Variants in DOCK7 observed in about 807,000 individuals in gnomAD.
DOCK7 encodes dedicator of cytokinesis 7.
A neutral mutation model predicts 271.0 loss-of-function variants in DOCK7; 138 were observed. The ratio of observed to expected loss-of-function variants is 0.51; its 90% CI spans 0.44 to 0.59. The LOEUF (loss-of-function observed/expected upper bound fraction) is 0.59. DOCK7 is among the 20% of genes least tolerant of loss of function. The pLI is 0.00. For synonymous variants in DOCK7, 823 were observed against 876.1 expected (o/e 0.94, Z 1.07); for missense variants, 2,066 against 2,592.4 (o/e 0.80, Z 4.41).
Position 62,559,551 on chromosome 1 carries a change from C to G in DOCK7, c.2200-331G>C, listed in dbSNP as rs183375784. Among the ~76,000 whole-genome samples the G allele has an allele frequency of 2.1e-3, 316 of 152,050 alleles. 5 individuals carry two copies. Among genetic ancestry groups the G allele is most frequent in the Non-Finnish European group, 1.6e-3 (106 of 67,992 alleles). On this transcript the variant is annotated intron_variant, in intron 19 of 49. Transcript: ENST00000635253. ...CCATTATTAATTTATTGTCTTTCAG[C>G]TCCAAAGCCTTTGGATATAAGGCAA...
chr1:62,609,727 T>A (rs963968851), intron 14 of DOCK7: 1 of 152,200 alleles, frequency 6.6e-6, no homozygotes, highest in Non-Finnish European at 1.5e-5. Context: ...ACTTTACTCC[T>A]TCCCTTCACA....
chr1:62,569,550 A>C (rs1477204586), intron 18 of DOCK7, among the ~76,000 whole-genome samples: 1 of 152,216 alleles, frequency 6.6e-6, no homozygotes, highest in African/African-American at 2.4e-5. Flanking sequence ...CTTCATGTTA[A>C]AACTCCCAAT....
intron 43 of DOCK7, chr1:62,485,755 CAAAT>C: frequency 1.1e-6 from 1 of 932,504 alleles, no homozygotes; most frequent in South Asian, 5.0e-5. Context: ...AATTTCAAAA[CAAAT>C]AAGCAGCAAA....
chr1:62,593,133 C>A (rs1177757243), intron 14 of DOCK7, among the ~76,000 whole-genome samples: 1 of 152,046 alleles, frequency 6.6e-6, no homozygotes, highest in Non-Finnish European at 1.5e-5. Context: ...TTATACATAA[C>A]AAGATCCCAC....
chr1:62,601,823 T>A (rs77871363), intron 14 of DOCK7: 1 of 1,610,240 alleles, frequency 6.2e-7, no homozygotes, highest in African/African-American at 1.3e-5. Flanking sequence ...ACAAGTGGCA[T>A]GTATGCCATC....
intron 4 of DOCK7, among the ~76,000 whole-genome samples, chr1:62,650,460 A>G (rs1015208326): frequency 6.6e-6 from 1 of 152,234 alleles, no homozygotes; most frequent in African/African-American, 2.4e-5. Context: ...TAATTAAACT[A>G]AAGAGCTTCT....
In DOCK7 at chr1:62,555,935, T is replaced by C. The variant is rs1229331390; in HGVS notation, c.2486A>G (p.His829Arg). Residue 829 changes from histidine to arginine, a missense_variant, in exon 21 of 50, where the codon CAC becomes CGC. Physicochemically the swap from His to Arg is conservative, Grantham distance 29 (BLOSUM62 0). Coordinates refer to ENST00000635253, the MANE Select transcript of DOCK7 (RefSeq NM_001367561.1). ...EAMASIINRL[H>R]KNLEGNHDQH... ...GTCATGATTTCCTTCCAAGTTTTTG[T>C]GAAGTCGATTTATAATTGATGCCAT... 1 of 1,613,804 alleles carries C rather than the reference T, an allele frequency of 6.2e-7. No homozygotes were observed. The highest frequency in any genetic ancestry group is 1.3e-5 in the African/African-American group (1 of 74,930).
intron 36 of DOCK7, among the ~76,000 whole-genome samples, 174 bp from the exon 37 acceptor site, chr1:62,504,956 T>C (rs1646897611): frequency 6.6e-6 from 1 of 152,224 alleles, no homozygotes; most frequent in Admixed American, 6.5e-5. Context: ...TGGGTTCGAA[T>C]GCTCATTATT....
At position 62,476,112 on chromosome 1, in the gene DOCK7, G is replaced by A. The variant is rs374354195; in HGVS notation, c.5679C>T (p.Ile1893=). The change falls in exon 45 of 50, where the codon ATC becomes ATT. Residue 1893 remains isoleucine (I), a synonymous_variant. Coordinates refer to ENST00000635253, the MANE Select transcript of DOCK7 (RefSeq NM_001367561.1). The part of the protein sequence containing the change: ...ERFGEDVVEV[I]KDSNPVDKCK... ...ACTTGTCTACAGGATTAGAGTCTTT[G>A]ATTACTTCAACCACATCCTCTCCAA... 4.3e-6 allele frequency: 7 copies of A among 1,613,206 alleles called. No individual in the cohort carries two copies. The highest frequency in any genetic ancestry group is 3.3e-5 in the Admixed American group (2 of 59,912).
chr1:62,662,768 GA>G (rs1457918107), intron 2 of DOCK7, among the ~76,000 whole-genome samples: 1 of 151,600 alleles, frequency 6.6e-6, no homozygotes, highest in Non-Finnish European at 1.5e-5. Flanking sequence ...CTCAAAAAAA[GA>G]AGAAAAAAAA....
In DOCK7 at chr1:62,688,272, GCGGCGACGGCGA is replaced by G; in HGVS notation, c.-20_-9del. On this transcript the variant is annotated 5_prime_UTR_variant, in exon 1 of 50. Coordinates refer to ENST00000635253, the MANE Select transcript of DOCK7 (RefSeq NM_001367561.1). ...GGCGCGGCGCTCGGCCATGGCTGCT[GCGGCGACGGCGA>G]CGGCGGCGGCGGCTGCGGCGGGCCG... 7.7e-7 allele frequency: 1 copy of G among 1,299,500 alleles called. No homozygotes were observed. Among genetic ancestry groups the G allele is most frequent in the East Asian group, 3.4e-5 (1 of 29,076 alleles). The allele number at this position is 1,299,500 out of a possible 1,614,324, so 80.5% of individuals were successfully genotyped here.
intron 2 of DOCK7, among the ~76,000 whole-genome samples, chr1:62,660,529 G>A (rs957433086): frequency 2.6e-5 from 4 of 152,098 alleles, no homozygotes; most frequent in African/African-American, 9.7e-5. Context: ...CATTGACGGT[G>A]GAAATGTAAA....
chr1:62,549,111 AGAAAAG>A (rs944887197), intron 22 of DOCK7, among the ~76,000 whole-genome samples: 4 of 152,206 alleles, frequency 2.6e-5, no homozygotes, highest in African/African-American at 4.8e-5. Context: ...TAAAGAGATC[AGAAAAG>A]GAAGAATCCA....
intron 35 of DOCK7, among the ~76,000 whole-genome samples, chr1:62,507,644 A>G (rs1038774221): frequency 6.6e-6 from 1 of 152,214 alleles, no homozygotes; most frequent in African/African-American, 2.4e-5. Context: ...ATATGTAGCT[A>G]TAGCTATACA....
At chr1:62,576,212 T>A (rs1420180616) in intron 18 of DOCK7, among the ~76,000 whole-genome samples, 1 of 152,102 alleles carries the variant, frequency 6.6e-6, no homozygotes, top group Non-Finnish European at 1.5e-5. Flanking sequence ...CAAAAAACAT[T>A]TTAAATACAA....
intron 1 of DOCK7, among the ~76,000 whole-genome samples, chr1:62,674,951 G>C (rs1660384702): frequency 6.6e-6 from 1 of 151,818 alleles, no homozygotes; most frequent in South Asian, 2.1e-4. Context: ...CTGATGAACT[G>C]GACTTCATTA....
intron 18 of DOCK7, among the ~76,000 whole-genome samples, chr1:62,564,409 T>C (rs933497030): frequency 1.3e-5 from 2 of 151,032 alleles, no homozygotes; most frequent in Non-Finnish European, 3.0e-5. Context: ...ATTAAGAAAC[T>C]CACTCAACTA....
chr1:62,672,863 T>C (rs781533793), intron 1 of DOCK7, among the ~76,000 whole-genome samples: 22 of 152,082 alleles, frequency 1.4e-4, no homozygotes, highest in Non-Finnish European at 2.6e-4. Flanking sequence ...GATAAAATAA[T>C]TCTTGCTATA....
intron 11 of DOCK7, chr1:62,628,722 T>C (rs1293923175): frequency 6.6e-6 from 1 of 152,168 alleles, no homozygotes; most frequent in Non-Finnish European, 1.5e-5. Context: ...AAAACTTCTG[T>C]GCTACGAACA....
Sources: gnomAD v4.1 joint callset for allele counts (sites outside exome capture counted in the v4.1 genomes callset) on GRCh38, gnomAD v4.1.1 for gene constraint, MANE v1.5 for transcripts, NCBI Gene and HGNC (gene_info 2026-07-23, HGNC 2026-07-21) for gene names.